The following SCAMP1 variants were observed in gnomAD, a reference collection of about 807,000 sequenced individuals.
The protein encoded by SCAMP1 is secretory carrier membrane protein 1, also known as secretory carrier-associated membrane protein 1.
In SCAMP1, 15 loss-of-function variants were observed where a neutral mutation model predicts 41.8. The ratio of observed to expected loss-of-function variants is 0.36; its 90% CI spans 0.24 to 0.55. The LOEUF is 0.55. Ranked by LOEUF, SCAMP1 falls within the 20% of genes least tolerant of loss-of-function variation. The pLI is 0.86. For missense variants in SCAMP1, 341 were observed against 412.6 expected (o/e 0.83, Z 1.50); for synonymous variants, 135 against 136.8 (o/e 0.99, Z 0.09).
Position 78,421,853 on chromosome 5 carries a change from T to C in SCAMP1, c.525T>C (p.Cys175=). The change falls in exon 6 of 9, where the codon TGT becomes TGC. Residue 175 remains cysteine, a synonymous_variant. Coordinates refer to ENST00000621999, the MANE Select transcript of SCAMP1 (RefSeq NM_004866.6). The part of the protein sequence containing the change: ...LNIFGCLAWF[C]VDSARAVDFG... ...TCTTCGGATGCTTGGCTTGGTTTTG[T>C]GTTGATTCTGCAAGAGCGGTTGATT... 6.2e-7 allele frequency: 1 copy of C among 1,613,910 alleles called. No individual in the cohort carries two copies. Among genetic ancestry groups the C allele is most frequent in the Non-Finnish European group, 8.5e-7 (1 of 1,179,820 alleles).
At chr5:78,409,132 T>G (rs995523924) in intron 2 of SCAMP1, among the ~76,000 whole-genome samples, 11 of 152,212 alleles carry the variant, frequency 7.2e-5, no homozygotes, top group African/African-American at 2.7e-4. Flanking sequence ...GCTTTGTCTC[T>G]AGTTTACTAG....
rs897290583 is a variant in SCAMP1 at position 78,478,055 on chromosome 5, A to G, written c.*2387A>G. On this transcript the variant is annotated 3_prime_UTR_variant, in exon 9 of 9. Coordinates refer to ENST00000621999, the MANE Select transcript of SCAMP1 (RefSeq NM_004866.6). Reference sequence around the variant, plus strand: ...TTTCAAACTAAAGTTTGAACACCGGAAAGTCATTACTCAGTGATTTGTAAT... The same window carrying G: ...TTTCAAACTAAAGTTTGAACACCGGGAAGTCATTACTCAGTGATTTGTAAT... The G allele has an allele frequency of 4.6e-5, 7 of 152,574 alleles. No individual in the cohort carries two copies. The highest frequency in any genetic ancestry group is 1.0e-4 in the Non-Finnish European group (7 of 67,992). The allele number at this position is 152,574 out of a possible 1,614,324, so 9.5% of individuals were successfully genotyped here.
At chr5:78,466,444 G>A (rs1299718517) in intron 8 of SCAMP1, among the ~76,000 whole-genome samples, 1 of 152,144 alleles carries the variant, frequency 6.6e-6, no homozygotes, top group Non-Finnish European at 1.5e-5. Context: ...AAAGAATAAG[G>A]GACAGGGAAG....
intron 2 of SCAMP1, among the ~76,000 whole-genome samples, chr5:78,393,776 A>G (rs1263787158): frequency 6.6e-6 from 1 of 152,160 alleles, no homozygotes; most frequent in Non-Finnish European, 1.5e-5. Context: ...AATTATCCTT[A>G]AGAATTGATG....
chr5:78,387,361 T>TC (rs1751368376), intron 1 of SCAMP1, among the ~76,000 whole-genome samples: 1 of 45,876 alleles, frequency 2.2e-5, no homozygotes, highest in Non-Finnish European at 5.9e-5. Context: ...ATATCCTGTA[T>TC]CTTTTTTTTT....
chr5:78,433,637 T>A (rs1294607899), intron 6 of SCAMP1, among the ~76,000 whole-genome samples: 1 of 152,180 alleles, frequency 6.6e-6, no homozygotes, highest in Non-Finnish European at 1.5e-5. Context: ...AGCTTTTTCT[T>A]GGTGTTTGCT....
At chr5:78,366,149 CTT>C (rs1230753119) in intron 1 of SCAMP1, among the ~76,000 whole-genome samples, 1 of 146,290 alleles carries the variant, frequency 6.8e-6, no homozygotes, top group Non-Finnish European at 1.5e-5. Flanking sequence ...CTTTTCTTTT[CTT>C]TTTTTTTTTT....
intron 5 of SCAMP1, among the ~76,000 whole-genome samples, chr5:78,419,387 G>A (rs138126393): frequency 6.6e-6 from 1 of 152,158 alleles, no homozygotes; most frequent in East Asian, 1.9e-4. Context: ...TTTCAATTGC[G>A]ATACTTTTAT....
intron 1 of SCAMP1, among the ~76,000 whole-genome samples, chr5:78,387,373 T>A (rs1751369011): frequency 6.6e-6 from 1 of 151,526 alleles, no homozygotes; most frequent in Non-Finnish European, 1.5e-5. Context: ...TTTTTTTTTT[T>A]TTTTTAATTT....
chr5:78,453,161 T>C (rs982906827), intron 7 of SCAMP1, among the ~76,000 whole-genome samples: 16 of 151,492 alleles, frequency 1.1e-4, no homozygotes, highest in Admixed American at 8.5e-4. Flanking sequence ...TGGTAGTTTC[T>C]TTTGCTGTGC....
intron 6 of SCAMP1, among the ~76,000 whole-genome samples, chr5:78,437,619 A>G (rs917203161): frequency 6.6e-6 from 1 of 152,154 alleles, no homozygotes; most frequent in African/African-American, 2.4e-5. Context: ...GTTTGTCAGT[A>G]TGTTACTGAG....
At chr5:78,374,829 T>TA (rs1193886888) in intron 1 of SCAMP1, among the ~76,000 whole-genome samples, 1 of 152,112 alleles carries the variant, frequency 6.6e-6, no homozygotes, top group Admixed American at 6.6e-5. Flanking sequence ...GTAAGACTGT[T>TA]ACGACCCTTG....
chr5:78,434,083 C>G (rs1752686389), intron 6 of SCAMP1, among the ~76,000 whole-genome samples: 1 of 152,166 alleles, frequency 6.6e-6, no homozygotes, highest in African/African-American at 2.4e-5. Context: ...CTTTGCCTCC[C>G]CAAGACCTGT....
At chr5:78,361,217 C>T (rs1750640701) in intron 1 of SCAMP1, among the ~76,000 whole-genome samples, 1 of 149,024 alleles carries the variant, frequency 6.7e-6, no homozygotes, top group African/African-American at 2.5e-5. Context: ...GGTGAGGGCA[C>T]CGAGTATGCT....
At chr5:78,412,230 T>C (rs1432817020) in intron 2 of SCAMP1, among the ~76,000 whole-genome samples, 3 of 152,126 alleles carry the variant, frequency 2.0e-5, no homozygotes, top group Admixed American at 2.0e-4. Context: ...TAAATTTTTA[T>C]GTGGTCAAAT....
rs1465595598 is a variant in SCAMP1, at chr5:78,479,781, G to A, written c.*4113G>A. Among the ~76,000 whole-genome samples the A allele has an allele frequency of 1.3e-5, 2 of 152,128 alleles. No homozygotes were observed. Among genetic ancestry groups the A allele is most frequent in the African/African-American group, 2.4e-5 (1 of 41,422 alleles). ...ATTTTGGCCAGGTGTGGTGGCTCAC[G>A]CCTGTAATCCCAGCACTTTGGGAGG... On this transcript the variant is annotated 3_prime_UTR_variant, in exon 9 of 9. Coordinates refer to ENST00000621999, the MANE Select transcript of SCAMP1 (RefSeq NM_004866.6).
intron 6 of SCAMP1, among the ~76,000 whole-genome samples, chr5:78,432,631 A>G (rs1464004177): frequency 6.6e-6 from 1 of 151,880 alleles, no homozygotes; most frequent in Admixed American, 6.6e-5. Context: ...GCTGTCTTTA[A>G]TATTTTTTCT....
chr5:78,413,855 T>A (rs909953550), intron 2 of SCAMP1, among the ~76,000 whole-genome samples: 17 of 152,170 alleles, frequency 1.1e-4, no homozygotes, highest in Admixed American at 3.3e-4. Context: ...TGTCTTCTGG[T>A]TTTAATAGTT....
intron 6 of SCAMP1, among the ~76,000 whole-genome samples, chr5:78,434,244 A>G (rs1230141129): frequency 6.6e-6 from 1 of 152,206 alleles, no homozygotes; most frequent in Non-Finnish European, 1.5e-5. Flanking sequence ...AGAGCAATGC[A>G]TCACAAGCTT....
Sources: gnomAD v4.1 joint callset for allele counts (sites outside exome capture counted in the v4.1 genomes callset) on GRCh38, gnomAD v4.1.1 for gene constraint, MANE v1.5 for transcripts, NCBI Gene and HGNC (gene_info 2026-07-23, HGNC 2026-07-21) for gene names.